The following ZFPM2 variants were observed in gnomAD, a reference collection of about 807,000 sequenced individuals.
The protein encoded by ZFPM2 is zinc finger protein, FOG family member 2.
ZFPM2 carries 20 observed loss-of-function variants against 98.6 expected under a neutral mutation model. That is an observed-to-expected ratio of 0.20 (90% CI 0.14 to 0.29). ZFPM2 has a LOEUF of 0.29. ZFPM2 is among the 10% of genes least tolerant of loss of function. ZFPM2 has a pLI of 1.00. For missense variants in ZFPM2, 1,310 were observed against 1,388.6 expected (o/e 0.94, Z 0.90); for synonymous variants, 518 against 502.7 (o/e 1.03, Z -0.41).
chr8:105,334,061 AT>A (rs772062583), intron 1 of ZFPM2, among the ~76,000 whole-genome samples: 29 of 149,538 alleles, frequency 1.9e-4, no homozygotes, highest in Middle Eastern at 3.4e-3. Context: ...AAATGTATAC[AT>A]TGTGGAATGT....
chr8:105,362,908 T>C (rs1810435527), intron 1 of ZFPM2, among the ~76,000 whole-genome samples: 1 of 152,186 alleles, frequency 6.6e-6, no homozygotes, highest in Non-Finnish European at 1.5e-5. Context: ...AGCATAGCTG[T>C]TGATTTTATT....
At chr8:105,523,472 C>A (rs1032983774) in intron 3 of ZFPM2, among the ~76,000 whole-genome samples, 1 of 152,216 alleles carries the variant, frequency 6.6e-6, no homozygotes, top group Non-Finnish European at 1.5e-5. Context: ...TCCCCACCAA[C>A]ACCTCCCCAA....
rs142230291 is a variant in ZFPM2, at chr8:105,429,445, A to AATATATATATATAT, written c.199+10150_199+10163dup. 1.4e-3 allele frequency among the ~76,000 whole-genome samples: 187 copies of AATATATATATATAT among 138,386 alleles called. 4 individuals are homozygous for AATATATATATATAT. The highest frequency in any genetic ancestry group is 5.3e-3 in the African/African-American group (171 of 32,040). 90.8% of individuals were successfully genotyped at this position (138,386 alleles called of 152,430 possible). The stretch of plus-strand genomic sequence containing the variant: ...AAAACGTGCACAAGTTAGACAAGGA[A>AATATATATATATAT]ATATATATATATATATATATGGAAA... On this transcript the variant is annotated intron_variant, in intron 2 of 7. Transcript: ENST00000407775.
chr8:105,785,139 T>C (rs1813375846), intron 5 of ZFPM2: 1 of 152,202 alleles, frequency 6.6e-6, no homozygotes, highest in Admixed American at 6.5e-5. Context: ...GCATCCATGG[T>C]CAATTAGAAT....
chr8:105,480,052 T>C (rs933605198), intron 3 of ZFPM2, among the ~76,000 whole-genome samples: 3 of 152,202 alleles, frequency 2.0e-5, no homozygotes, highest in African/African-American at 4.8e-5. Flanking sequence ...GTAAGCTCAG[T>C]TATTGCTGTG....
intron 3 of ZFPM2, among the ~76,000 whole-genome samples, chr8:105,457,811 C>T (rs1180589238): frequency 6.6e-6 from 1 of 152,144 alleles, no homozygotes; most frequent in Non-Finnish European, 1.5e-5. Flanking sequence ...AAGGCACTGT[C>T]CTCCCTGTCA....
At chr8:105,638,354 T>C (rs1468657671) in intron 5 of ZFPM2, among the ~76,000 whole-genome samples, 2 of 152,106 alleles carry the variant, frequency 1.3e-5, no homozygotes, top group Non-Finnish European at 2.9e-5. Context: ...ACCAAGGATA[T>C]GCTGCCACAA....
chr8:105,690,060 A>G (rs566561813), intron 5 of ZFPM2, among the ~76,000 whole-genome samples: 62 of 152,340 alleles, frequency 4.1e-4, no homozygotes, highest in Non-Finnish European at 7.5e-4. Context: ...TGCACACTAT[A>G]GAATATCCTA....
chr8:105,491,811 C>T (rs975347838), intron 3 of ZFPM2, among the ~76,000 whole-genome samples: 2 of 151,972 alleles, frequency 1.3e-5, no homozygotes, highest in Non-Finnish European at 2.9e-5. Context: ...AAAAAATGTT[C>T]TTTGGTAAAG....
intron 4 of ZFPM2, among the ~76,000 whole-genome samples, chr8:105,568,652 A>G (rs2130715029): frequency 6.6e-6 from 1 of 152,234 alleles, no homozygotes; most frequent in East Asian, 1.9e-4. Flanking sequence ...CTTGATTATT[A>G]CAATATTCTT....
At chr8:105,443,407 TTTC>T (rs1448836427) in intron 2 of ZFPM2, among the ~76,000 whole-genome samples, 1 of 152,040 alleles carries the variant, frequency 6.6e-6, no homozygotes, top group African/African-American at 2.4e-5. Flanking sequence ...GTCTTCATAC[TTTC>T]TTGTTATTTT....
At chr8:105,656,926 G>A (rs2130879353) in intron 5 of ZFPM2, among the ~76,000 whole-genome samples, 1 of 152,204 alleles carries the variant, frequency 6.6e-6, no homozygotes, top group Non-Finnish European at 1.5e-5. Context: ...CTAATAATAG[G>A]AAGCACTCGA....
intron 5 of ZFPM2, among the ~76,000 whole-genome samples, chr8:105,690,294 A>G (rs1436513576): frequency 1.3e-5 from 2 of 152,242 alleles, no homozygotes; most frequent in Non-Finnish European, 2.9e-5. Flanking sequence ...GCTCCGCAAG[A>G]GCACTATGTT....
intron 2 of ZFPM2, among the ~76,000 whole-genome samples, chr8:105,443,312 C>CAAAAAAAAAAAAAAAAAAAAAAAA (rs1491232192): frequency 8.7e-6 from 1 of 115,366 alleles, no homozygotes; most frequent in African/African-American, 4.1e-5. Context: ...GACTCCTTCT[C>CAAAAAAAAAAAAAAAAAAAAAAAA]AAAAAACAAA....
At chr8:105,741,771 GAT>G (rs1491219840) in intron 5 of ZFPM2, among the ~76,000 whole-genome samples, 2 of 152,064 alleles carry the variant, frequency 1.3e-5, no homozygotes, top group East Asian at 3.9e-4. Context: ...TGTAAAATGA[GAT>G]AGGATTGCTT....
chr8:105,635,288 ATAT>A (rs1240276554), intron 5 of ZFPM2, among the ~76,000 whole-genome samples: 1 of 152,156 alleles, frequency 6.6e-6, no homozygotes, highest in Non-Finnish European at 1.5e-5. Context: ...CCCCATCAAT[ATAT>A]TAACATATAA....
intron 5 of ZFPM2, among the ~76,000 whole-genome samples, chr8:105,717,213 G>T (rs547747393): frequency 1.6e-4 from 25 of 151,940 alleles, no homozygotes; most frequent in Non-Finnish European, 3.1e-4. Context: ...GAACCACTGG[G>T]TCAGAGAAAA....
At chr8:105,743,956 T>A (rs2131038457) in intron 5 of ZFPM2, among the ~76,000 whole-genome samples, 1 of 152,246 alleles carries the variant, frequency 6.6e-6, no homozygotes, top group Non-Finnish European at 1.5e-5. Context: ...ATAATAAATA[T>A]TTGAATTATT....
chr8:105,793,361 A>T (rs1020435803), intron 6 of ZFPM2, among the ~76,000 whole-genome samples: 8 of 152,066 alleles, frequency 5.3e-5, no homozygotes, highest in African/African-American at 1.9e-4. Context: ...GTTTGGCTGG[A>T]TATGAAATTC....
Sources: gnomAD v4.1 joint callset for allele counts (sites outside exome capture counted in the v4.1 genomes callset) on GRCh38, gnomAD v4.1.1 for gene constraint, MANE v1.5 for transcripts, NCBI Gene and HGNC (gene_info 2026-07-23, HGNC 2026-07-21) for gene names.